NTM: variants seen among roughly 807,000 people sequenced by gnomAD.
The protein encoded by NTM is neurotrimin.
In NTM, 13 loss-of-function variants were observed where a neutral mutation model predicts 42.1. That is an observed-to-expected ratio of 0.31 (90% confidence interval 0.20 to 0.49). The LOEUF is 0.49. NTM is among the 20% of genes least tolerant of loss of function. The pLI is 0.99. For missense variants in NTM, 373 were observed against 452.8 expected (o/e 0.82, Z 1.60); for synonymous variants, 187 against 179.2 (o/e 1.04, Z -0.35).
At position 131,370,677 on chromosome 11, in the gene NTM, G is replaced by T; in HGVS notation, c.-130G>T. On this transcript the variant is annotated 5_prime_UTR_variant, in exon 1 of 9. Coordinates refer to ENST00000683400, the MANE Select transcript of NTM (RefSeq NM_001352005.2). ...CTCTCACACCCTCGGCTTTCTTGTT[G>T]TGTCCTTCAGCAAAACAGTGGATTT... 3 of 729,250 alleles carry T rather than the reference G, an allele frequency of 4.1e-6. No homozygotes were observed. The highest frequency in any genetic ancestry group is 6.7e-6 in the Non-Finnish European group (3 of 444,852). The allele number at this position is 729,250 out of a possible 1,614,324, so 45.2% of individuals were successfully genotyped here.
At chr11:131,619,129 A>G (rs1207423428) in intron 1 of NTM, among the ~76,000 whole-genome samples, 3 of 152,214 alleles carry the variant, frequency 2.0e-5, no homozygotes, top group African/African-American at 4.8e-5. Context: ...GTAGCACTCC[A>G]CAGCGAATAA....
At chr11:132,320,830 A>G (rs1197322752) in intron 7 of NTM, among the ~76,000 whole-genome samples, 1 of 151,572 alleles carries the variant, frequency 6.6e-6, no homozygotes, top group Non-Finnish European at 1.5e-5. Flanking sequence ...TGGAGATCTG[A>G]GAACGGGCAG....
intron 2 of NTM, among the ~76,000 whole-genome samples, chr11:132,088,606 A>G (rs960720018): frequency 2.0e-5 from 3 of 152,234 alleles, no homozygotes; most frequent in African/African-American, 7.2e-5. Flanking sequence ...CTTCCCCAGC[A>G]TAAGGCACAC....
At chr11:132,234,980 G>A (rs2088496992) in intron 4 of NTM, among the ~76,000 whole-genome samples, 1 of 152,190 alleles carries the variant, frequency 6.6e-6, no homozygotes, top group African/African-American at 2.4e-5. Flanking sequence ...ACGGGCCTTT[G>A]GTGAACCAGC....
chr11:132,279,469 T>A (rs2093880108), intron 4 of NTM, among the ~76,000 whole-genome samples: 1 of 152,202 alleles, frequency 6.6e-6, no homozygotes, highest in South Asian at 2.1e-4. Flanking sequence ...CTTTTGCTTG[T>A]CATGTTTAGA....
Position 131,715,485 on chromosome 11 carries a change from GATATATA to G in NTM, c.83-196075_83-196069del, listed in dbSNP as rs1426266797. On this transcript the variant is annotated intron_variant, in intron 1 of 8. Coordinates refer to ENST00000683400, the MANE Select transcript of NTM (RefSeq NM_001352005.2). ...TTAACAGCTTTATTGAGGTATAACTGATATATAATAAAGAACAAATATTTAAAGTGTG... is the reference window on the plus strand; with the variant it reads ...TTAACAGCTTTATTGAGGTATAACTGATAAAGAACAAATATTTAAAGTGTG... 5.3e-5 allele frequency among the ~76,000 whole-genome samples: 8 copies of G among 152,282 alleles called. No individual in the cohort carries two copies. In the South Asian group the frequency reaches 1.7e-3, roughly 32 times the overall value.
intron 1 of NTM, among the ~76,000 whole-genome samples, chr11:131,557,100 C>T (rs1054077645): frequency 1.3e-5 from 2 of 151,654 alleles, no homozygotes; most frequent in Admixed American, 6.6e-5. Context: ...CAGAGGCAGG[C>T]GATTCCAGTA....
At chr11:131,920,495 A>C (rs1273837928) in intron 2 of NTM, among the ~76,000 whole-genome samples, 1 of 152,244 alleles carries the variant, frequency 6.6e-6, no homozygotes, top group Non-Finnish European at 1.5e-5. Context: ...AGTCCTGTCC[A>C]TTTTAACCCA....
intron 1 of NTM, among the ~76,000 whole-genome samples, chr11:131,432,839 C>CCTTTTTTTT (rs1565494793): frequency 1.5e-5 from 1 of 68,694 alleles, no homozygotes; most frequent in Non-Finnish European, 2.6e-5. Flanking sequence ...ATTTAGCATT[C>CCTTTTTTTT]TTTTTTTTTT....
chr11:131,376,881 G>A (rs970656775), intron 1 of NTM, among the ~76,000 whole-genome samples: 3 of 152,106 alleles, frequency 2.0e-5, no homozygotes, highest in Non-Finnish European at 2.9e-5. Flanking sequence ...ACATCCAAGT[G>A]TTTATTGAGT....
intron 2 of NTM, among the ~76,000 whole-genome samples, chr11:131,917,812 G>C (rs2056636198): frequency 1.3e-5 from 2 of 152,236 alleles, no homozygotes; most frequent in Non-Finnish European, 2.9e-5. Context: ...CTGTGGCTCT[G>C]AGGAGCAGGC....
intron 1 of NTM, among the ~76,000 whole-genome samples, chr11:131,424,618 T>TTTTTTTTTTTTTTTTTTTTTTTTA (rs1947907733): frequency 6.9e-6 from 1 of 144,294 alleles, no homozygotes; most frequent in Non-Finnish European, 1.5e-5. Flanking sequence ...TTTTTTTTTT[T>TTTTTTTTTTTTTTTTTTTTTTTTA]GGCGCAATCT....
chr11:131,521,374 G>C lies in NTM; in HGVS notation c.82+150486G>C, dbSNP rs555060047. 2.2e-5 allele frequency among the ~76,000 whole-genome samples: 3 copies of C among 137,942 alleles called. No individual in the cohort carries two copies. In the South Asian group the frequency reaches 6.9e-4, roughly 32 times the overall value. The allele number at this position is 137,942 out of a possible 152,430, so 90.5% of individuals were successfully genotyped here. A position where few individuals can be genotyped will look rare whatever the true frequency, so the allele number is the denominator to read the frequency against. On this transcript the variant is annotated intron_variant, in intron 1 of 8. Coordinates refer to ENST00000683400, the MANE Select transcript of NTM (RefSeq NM_001352005.2). ...AAATAAATAAATGCAGAAGAAGCAAGGTGCCAGTCTTTTTTTTTTTTTTTT... is the reference window on the plus strand; with the variant it reads ...AAATAAATAAATGCAGAAGAAGCAACGTGCCAGTCTTTTTTTTTTTTTTTT...
intron 2 of NTM, among the ~76,000 whole-genome samples, chr11:132,075,733 G>A (rs2058283596): frequency 1.3e-5 from 2 of 152,074 alleles, no homozygotes; most frequent in South Asian, 2.1e-4. Flanking sequence ...TTCCCAGAAA[G>A]GTTTACAAGT....
At chr11:131,851,250 C>T (rs1323979010) in intron 1 of NTM, among the ~76,000 whole-genome samples, 1 of 152,090 alleles carries the variant, frequency 6.6e-6, no homozygotes, top group African/African-American at 2.4e-5. Flanking sequence ...AGAGCAGTAG[C>T]ATCCTTAGAA....
At chr11:131,915,244 C>A (rs111234818) in intron 2 of NTM, among the ~76,000 whole-genome samples, 1,876 of 152,292 alleles carry the variant, frequency 0.012, 35 homozygotes, top group African/African-American at 0.041. Context: ...CTTTGTACAC[C>A]AAGCTTCCCA....
At chr11:131,392,698 C>A (rs539783902) in intron 1 of NTM, among the ~76,000 whole-genome samples, 1 of 152,314 alleles carries the variant, frequency 6.6e-6, no homozygotes, top group South Asian at 2.1e-4. Flanking sequence ...CGCCTGTTGC[C>A]TGTTCCTTTA....
intron 1 of NTM, among the ~76,000 whole-genome samples, chr11:131,755,075 A>G (rs1253757679): frequency 1.3e-5 from 2 of 152,196 alleles, no homozygotes; most frequent in African/African-American, 4.8e-5. Context: ...GCATGAGGTA[A>G]CTTTCTGGGA....
intron 1 of NTM, among the ~76,000 whole-genome samples, chr11:131,661,550 T>C (rs2068071348): frequency 6.6e-6 from 1 of 152,236 alleles, no homozygotes; most frequent in Admixed American, 6.5e-5. Context: ...TTTCTATTCC[T>C]GCCTGGTCGC....
Sources: gnomAD v4.1 joint callset for allele counts (sites outside exome capture counted in the v4.1 genomes callset) on GRCh38, gnomAD v4.1.1 for gene constraint, MANE v1.5 for transcripts, NCBI Gene and HGNC (gene_info 2026-07-23, HGNC 2026-07-21) for gene names.